The following STAT3 variants were observed in gnomAD, a reference collection of about 807,000 sequenced individuals.
STAT3 encodes signal transducer and activator of transcription 3, also known as DNA-binding protein APRF.
Under a neutral mutation model 114.3 loss-of-function variants are expected in STAT3, and 7 were observed. The observed-to-expected ratio is 0.06, with a 90% CI of 0.03 to 0.11. The LOEUF is 0.11. STAT3 is among the 10% of genes least tolerant of loss of function. STAT3 has a pLI of 1.00. For missense variants in STAT3, 364 were observed against 960.9 expected (o/e 0.38, Z 8.21); for synonymous variants, 331 against 354.5 (o/e 0.93, Z 0.74).
intron 1 of STAT3, among the ~76,000 whole-genome samples, chr17:42,349,493 C>T (rs1016923042): frequency 6.6e-6 from 1 of 152,138 alleles, no homozygotes; most frequent in Non-Finnish European, 1.5e-5. Flanking sequence ...GCACTAATTC[C>T]AAGACTACAG....
At chr17:42,318,653 T>A (rs2081345487) in intron 21 of STAT3, among the ~76,000 whole-genome samples, 1 of 151,964 alleles carries the variant, frequency 6.6e-6, no homozygotes, top group Non-Finnish European at 1.5e-5. Flanking sequence ...GAACAAACCA[T>A]TGAGAAGGCA....
Position 42,358,933 on chromosome 17 carries a change from C to CTT in STAT3, c.-23-10396_-23-10395dup, listed in dbSNP as rs35099574. On this transcript the variant is annotated intron_variant, in intron 1 of 23. Coordinates refer to ENST00000264657, the MANE Select transcript of STAT3 (RefSeq NM_139276.3). The stretch of plus-strand genomic sequence containing the variant: ...GTCTCCCTTTCATGGACATTTCTTA[C>CTT]TTTTTTTTTTTTTTTTTTTGAGATG... Among the ~76,000 whole-genome samples, 951 of 100,394 alleles carry CTT rather than the reference C, an allele frequency of 9.5e-3. 57 individuals are homozygous for CTT. Among genetic ancestry groups the CTT allele is most frequent in the African/African-American group, 0.016 (414 of 25,494 alleles). 65.9% of individuals were successfully genotyped at this position (100,394 alleles called of 152,430 possible).
chr17:42,320,344 TG>T (rs2081419690), intron 21 of STAT3, among the ~76,000 whole-genome samples: 1 of 152,016 alleles, frequency 6.6e-6, no homozygotes, highest in African/African-American at 2.4e-5. Context: ...GGAGGGAAGT[TG>T]GTAGGTTTCT....
intron 1 of STAT3, among the ~76,000 whole-genome samples, chr17:42,359,481 A>C (rs2083401867): frequency 6.6e-6 from 1 of 152,000 alleles, no homozygotes; most frequent in African/African-American, 2.4e-5. Flanking sequence ...AAATATCTCC[A>C]TACGTATTTC....
intron 14 of STAT3, among the ~76,000 whole-genome samples, chr17:42,328,800 C>T (rs549155511): frequency 3.9e-5 from 6 of 152,248 alleles, no homozygotes; most frequent in South Asian, 2.1e-4. Context: ...ACTAGCCTTC[C>T]GTCACATTTA....
intron 14 of STAT3, among the ~76,000 whole-genome samples, chr17:42,328,736 G>A (rs1447589150): frequency 5.9e-5 from 9 of 152,080 alleles, no homozygotes; most frequent in Admixed American, 5.2e-4. Flanking sequence ...AATTGTTCAG[G>A]GGACAAATGT....
At chr17:42,325,166 T>C in intron 15 of STAT3, 105 bp from the exon 16 acceptor site, 2 of 1,092,620 alleles carry the variant, frequency 1.8e-6, no homozygotes, top group Non-Finnish European at 2.7e-6. Context: ...GGACATGCCA[T>C]AAACCACACC....
intron 1 of STAT3, among the ~76,000 whole-genome samples, chr17:42,372,526 G>C (rs2084207868): frequency 6.6e-6 from 1 of 152,190 alleles, no homozygotes; most frequent in Non-Finnish European, 1.5e-5. Context: ...TATTATAAAA[G>C]ATCAGTGGTT....
At chr17:42,325,347 A>T (rs2081658929) in intron 15 of STAT3, among the ~76,000 whole-genome samples, 1 of 152,150 alleles carries the variant, frequency 6.6e-6, no homozygotes, top group Non-Finnish European at 1.5e-5. Flanking sequence ...CCCCATTTTT[A>T]AGACCTTGGA....
chr17:42,369,416 A>T (rs2083983813), intron 1 of STAT3, among the ~76,000 whole-genome samples: 1 of 152,142 alleles, frequency 6.6e-6, no homozygotes, highest in African/African-American at 2.4e-5. Flanking sequence ...TTATGGCTGC[A>T]TAGTATTCCA....
chr17:42,344,756 T>G, intron 4 of STAT3, among the ~76,000 whole-genome samples: 1 of 150,642 alleles, frequency 6.6e-6, no homozygotes, highest in Non-Finnish European at 1.5e-5. Context: ...CTCGCTACAT[T>G]GCCCCAGCTG....
chr17:42,344,420 C>CAAA (rs35455295), intron 4 of STAT3, among the ~76,000 whole-genome samples: 1 of 121,806 alleles, frequency 8.2e-6, no homozygotes, highest in Admixed American at 9.2e-5. Context: ...GACTCTGTCT[C>CAAA]AAAAAAAAAA....
chr17:42,320,640 G>A (rs978171111), intron 21 of STAT3, among the ~76,000 whole-genome samples: 1 of 147,912 alleles, frequency 6.8e-6, no homozygotes, highest in African/African-American at 2.5e-5. Flanking sequence ...TGAGGCAGGA[G>A]AATTGCTTGA....
At chr17:42,384,615 C>T (rs1398340201) in intron 1 of STAT3, among the ~76,000 whole-genome samples, 1 of 151,376 alleles carries the variant, frequency 6.6e-6, no homozygotes, top group Admixed American at 6.6e-5. Context: ...AGTGCGGTGG[C>T]GGGATCACGG....
At chr17:42,331,438 A>G (rs1318743466) in intron 11 of STAT3, 34 bp downstream of exon 11, 2 of 1,574,214 alleles carry the variant, frequency 1.3e-6, no homozygotes, top group African/African-American at 2.7e-5. Context: ...TCTATTCCTC[A>G]TTTGAAAAAC....
chr17:42,376,993 A>G (rs1305273386), intron 1 of STAT3, among the ~76,000 whole-genome samples: 1 of 152,238 alleles, frequency 6.6e-6, no homozygotes, highest in East Asian at 1.9e-4. Context: ...CACATTTCCA[A>G]ATAGTATACA....
intron 1 of STAT3, among the ~76,000 whole-genome samples, chr17:42,372,515 A>G (rs1264367143): frequency 6.6e-6 from 1 of 152,204 alleles, no homozygotes; most frequent in East Asian, 1.9e-4. Flanking sequence ...AACTATGGAG[A>G]TATTATAAAA....
Position 42,329,647 on chromosome 17 carries a change from T to C in STAT3, c.1140A>G (p.Gly380=), listed in dbSNP as rs2144775001. ...KDSGDVAALR[G]SRKFNILGTN... is the part of the protein sequence containing the mutation. ...TGCCCAGAATGTTAAATTTCCGGGA[T>C]CTGAATCACAGGGGAACAATCAACT... Residue 380 remains glycine, a splice_region_variant and synonymous_variant, in exon 13 of 24, where the codon GGA becomes GGG. Coordinates refer to ENST00000264657, the MANE Select transcript of STAT3 (RefSeq NM_139276.3). 6 of 1,614,196 alleles carry C rather than the reference T, an allele frequency of 3.7e-6. No homozygotes were observed. The highest frequency in any genetic ancestry group is 4.2e-6 in the Non-Finnish European group (5 of 1,180,018).
chr17:42,348,048 G>A (rs2082776000), intron 2 of STAT3, among the ~76,000 whole-genome samples: 1 of 152,284 alleles, frequency 6.6e-6, no homozygotes, highest in Non-Finnish European at 1.5e-5. Flanking sequence ...TTCTAGCTAT[G>A]ACAGAATTCA....
Sources: gnomAD v4.1 joint callset for allele counts (sites outside exome capture counted in the v4.1 genomes callset) on GRCh38, gnomAD v4.1.1 for gene constraint, MANE v1.5 for transcripts, NCBI Gene and HGNC (gene_info 2026-07-23, HGNC 2026-07-21) for gene names.